Variants in SLC44A1 observed in about 807,000 individuals in gnomAD.
SLC44A1 encodes solute carrier family 44 member 1.
SLC44A1 carries 26 observed loss-of-function variants against 79.3 expected under a neutral mutation model. That is an observed-to-expected ratio of 0.33 (90% confidence interval 0.24 to 0.46). The LOEUF (loss-of-function observed/expected upper bound fraction) is 0.46. Ranked by LOEUF, SLC44A1 falls within the 20% of genes least tolerant of loss-of-function variation. SLC44A1 has a pLI of 1.00. For synonymous variants in SLC44A1, 263 were observed against 286.2 expected (o/e 0.92, Z 0.82); for missense variants, 688 against 798.1 (o/e 0.86, Z 1.66).
intron 1 of SLC44A1, among the ~76,000 whole-genome samples, chr9:105,250,864 CA>C (rs995301952): frequency 1.3e-5 from 2 of 151,916 alleles, no homozygotes; most frequent in East Asian, 3.8e-4. Context: ...GGCTGGGCAT[CA>C]AAAAAAGTTT....
chr9:105,345,923 T>C (rs1317485163), intron 4 of SLC44A1, among the ~76,000 whole-genome samples: 1 of 151,734 alleles, frequency 6.6e-6, no homozygotes. Flanking sequence ...GCTTTTGCAT[T>C]AGAAGGAAAA....
chr9:105,363,461 C>T (rs1326541468), intron 9 of SLC44A1, among the ~76,000 whole-genome samples: 6 of 150,436 alleles, frequency 4.0e-5, no homozygotes, highest in Non-Finnish European at 5.9e-5. Flanking sequence ...TGAGCCACCG[C>T]ACCTGGCCTT....
At chr9:105,301,318 T>C (rs1203225647) in intron 2 of SLC44A1, among the ~76,000 whole-genome samples, 2 of 152,250 alleles carry the variant, frequency 1.3e-5, no homozygotes, top group African/African-American at 4.8e-5. Flanking sequence ...AATGCAATGG[T>C]AATTAATATA....
At chr9:105,257,564 A>G (rs1829741102) in intron 1 of SLC44A1, among the ~76,000 whole-genome samples, 1 of 152,196 alleles carries the variant, frequency 6.6e-6, no homozygotes, top group Admixed American at 6.5e-5. Context: ...AAATGAGTGC[A>G]AAGAGAGAAA....
chr9:105,292,375 T>TGA (rs1366701971), intron 1 of SLC44A1, among the ~76,000 whole-genome samples: 1 of 152,230 alleles, frequency 6.6e-6, no homozygotes, highest in Non-Finnish European at 1.5e-5. Context: ...TCCTCATTTC[T>TGA]GAGGCTGAAA....
intron 1 of SLC44A1, among the ~76,000 whole-genome samples, chr9:105,296,551 T>C (rs936309544): frequency 1.3e-5 from 2 of 152,220 alleles, no homozygotes; most frequent in African/African-American, 4.8e-5. Flanking sequence ...TCTCCCTTTC[T>C]TCCCTCCCCA....
At chr9:105,407,454 T>C (rs1829043058) in intron 15 of SLC44A1, among the ~76,000 whole-genome samples, 1 of 152,174 alleles carries the variant, frequency 6.6e-6, no homozygotes. Context: ...ATATAAGTGA[T>C]CCTTAATAAG....
At chr9:105,416,984 C>T (rs10125150) in intron 15 of SLC44A1, among the ~76,000 whole-genome samples, 5,807 of 152,236 alleles carry the variant, frequency 0.038, 340 homozygotes, top group African/African-American at 0.13. Flanking sequence ...ACTTAGCATT[C>T]TGGTAATTAC....
chr9:105,424,964 A>AAAAG (rs1554691708), intron 15 of SLC44A1, among the ~76,000 whole-genome samples: 8 of 148,284 alleles, frequency 5.4e-5, no homozygotes, highest in Non-Finnish European at 1.0e-4. Flanking sequence ...AAAAAAAAAG[A>AAAAG]AAAGAAAGAA....
chr9:105,404,065 C>T (rs760442212), intron 15 of SLC44A1, among the ~76,000 whole-genome samples: 12 of 151,378 alleles, frequency 7.9e-5, no homozygotes, highest in Admixed American at 2.0e-4. Context: ...AGTGAAGAGA[C>T]CATTGTAAAT....
intron 5 of SLC44A1, among the ~76,000 whole-genome samples, chr9:105,349,117 C>G (rs1827327251): frequency 6.6e-6 from 1 of 152,066 alleles, no homozygotes; most frequent in African/African-American, 2.4e-5. Flanking sequence ...AATTATCAAG[C>G]ATTGTAAAAT....
Position 105,257,607 on chromosome 9 carries a change from G to T in SLC44A1, c.36+12703G>T, listed in dbSNP as rs528781152. ...AAATAATTAGAGGCTAAATTGGGTG[G>T]CAAGGAGTTCAGGGGACGGGGAAAC... On this transcript the variant is annotated intron_variant, in intron 1 of 15. Transcript: ENST00000374720. 2.8e-3 allele frequency among the ~76,000 whole-genome samples: 427 copies of T among 152,306 alleles called. 1 individual carries two copies. Among genetic ancestry groups the T allele is most frequent in the Non-Finnish European group, 4.0e-3 (274 of 68,020 alleles).
chr9:105,361,181 T>C lies in SLC44A1; in HGVS notation c.761-10T>C. On this transcript the variant is annotated splice_polypyrimidine_tract_variant and intron_variant, in intron 7 of 15. Coordinates refer to ENST00000374720, the MANE Select transcript of SLC44A1 (RefSeq NM_080546.5). ...ATTATTGCATTAACAGTTGGGTCTT[T>C]TGTCTCCAGGAGGCACAGGTGTACT... 2 of 1,613,830 alleles carry C rather than the reference T, an allele frequency of 1.2e-6. No individual in the cohort carries two copies. Among genetic ancestry groups the C allele is most frequent in the East Asian group, 4.5e-5 (2 of 44,882 alleles).
intron 7 of SLC44A1, among the ~76,000 whole-genome samples, 177 bp from the exon 8 acceptor site, chr9:105,361,014 C>T (rs1827761896): frequency 6.6e-6 from 1 of 152,162 alleles, no homozygotes; most frequent in African/African-American, 2.4e-5. Flanking sequence ...GATAATAGAG[C>T]AATGGACACT....
chr9:105,293,503 C>T (rs542206882), intron 1 of SLC44A1, among the ~76,000 whole-genome samples: 38 of 152,258 alleles, frequency 2.5e-4, no homozygotes, highest in African/African-American at 8.2e-4. Context: ...TAATCTGGAT[C>T]GTTGATAATG....
intron 10 of SLC44A1, 128 bp from the exon 11 acceptor site, chr9:105,365,355 G>A: frequency 1.5e-6 from 1 of 655,250 alleles, no homozygotes; most frequent in South Asian, 2.0e-5. Flanking sequence ...TGGCCATTTT[G>A]TCATAAAGCT....
At chr9:105,316,935 T>G (rs1230721034) in intron 3 of SLC44A1, among the ~76,000 whole-genome samples, 1 of 152,148 alleles carries the variant, frequency 6.6e-6, no homozygotes, top group Non-Finnish European at 1.5e-5. Flanking sequence ...AAATCAGAAG[T>G]CTGTGCACAG....
In SLC44A1 at chr9:105,390,812, T is replaced by C. The variant is rs1481861400; in HGVS notation, c.*1756T>C. 1.0e-6 allele frequency: 1 copy of C among 985,628 alleles called. No homozygotes were observed. The highest frequency in any genetic ancestry group is 6.2e-5 in the Admixed American group (1 of 16,244). 61.1% of individuals were successfully genotyped at this position (985,628 alleles called of 1,614,324 possible). A position where few individuals can be genotyped will look rare whatever the true frequency, so the allele number is the denominator to read the frequency against. ...ATGCATACACACAATTAAGAGCTCA[T>C]GTCTTAGCAAGATCTGGGAAACCAA... On this transcript the variant is annotated 3_prime_UTR_variant, in exon 16 of 16. Coordinates refer to ENST00000374720, the MANE Select transcript of SLC44A1 (RefSeq NM_080546.5).
At chr9:105,370,116 A>C (rs551558669) in intron 12 of SLC44A1, among the ~76,000 whole-genome samples, 21 of 152,354 alleles carry the variant, frequency 1.4e-4, no homozygotes, top group African/African-American at 4.6e-4. Context: ...GGTGGACTCT[A>C]AAAATCTCAA....
Sources: allele counts gnomAD v4.1 joint callset (sites outside exome capture counted in the v4.1 genomes callset), GRCh38; gene constraint gnomAD v4.1.1; transcripts MANE v1.5; gene names NCBI Gene and HGNC (gene_info 2026-07-23, HGNC 2026-07-21).